MARCHF4: variants seen among roughly 807,000 people sequenced by gnomAD.
MARCHF4 encodes membrane associated ring-CH-type finger 4, also known as E3 ubiquitin-protein ligase MARCHF4.
Under a neutral mutation model 43.9 loss-of-function variants are expected in MARCHF4, and 14 were observed. That is an observed-to-expected ratio of 0.32 (90% CI 0.21 to 0.50). The LOEUF (loss-of-function observed/expected upper bound fraction) is 0.50. Ranked by LOEUF, MARCHF4 falls within the 20% of genes least tolerant of loss-of-function variation. The pLI is 0.98. For missense variants in MARCHF4, 468 were observed against 536.7 expected (o/e 0.87, Z 1.27); for synonymous variants, 226 against 213.3 (o/e 1.06, Z -0.52).
intron 3 of MARCHF4, among the ~76,000 whole-genome samples, chr2:216,267,516 G>C (rs1013749847): frequency 6.6e-6 from 1 of 152,164 alleles, no homozygotes; most frequent in Non-Finnish European, 1.5e-5. Flanking sequence ...CTGTGTGGAA[G>C]AGAATCTCCT....
chr2:216,337,779 G>A lies in MARCHF4; in HGVS notation c.516+31966C>T, dbSNP rs561434204. ...CTACTTCTAGAAATTCATACCCCAC[G>A]AACTACAGCATTGCTTGGAGACTGT... On this transcript the variant is annotated intron_variant, in intron 1 of 3. Coordinates refer to ENST00000273067, the MANE Select transcript of MARCHF4 (RefSeq NM_020814.3). 3.9e-5 allele frequency among the ~76,000 whole-genome samples: 6 copies of A among 152,042 alleles called. No individual in the cohort carries two copies. In the Middle Eastern group the frequency reaches 0.014, roughly 345 times the overall value.
At position 216,370,431 on chromosome 2, in the gene MARCHF4, A is replaced by G; in HGVS notation, c.-171T>C. On this transcript the variant is annotated 5_prime_UTR_variant, in exon 1 of 4. Coordinates refer to ENST00000273067, the MANE Select transcript of MARCHF4 (RefSeq NM_020814.3). ...CAAATAAATTGCTCCCAGGACTGAG[A>G]AGTGTGAGTCACTGGTTCTGAACTC... 1.8e-6 allele frequency: 1 copy of G among 544,972 alleles called. No individual in the cohort carries two copies. The highest frequency in any genetic ancestry group is 3.2e-6 in the Non-Finnish European group (1 of 315,648). The allele number at this position is 544,972 out of a possible 1,614,324, so 33.8% of individuals were successfully genotyped here.
intron 3 of MARCHF4, among the ~76,000 whole-genome samples, chr2:216,276,616 C>T (rs1409671537): frequency 1.3e-5 from 2 of 152,194 alleles, no homozygotes; most frequent in Non-Finnish European, 2.9e-5. Flanking sequence ...CAAACGTCAT[C>T]CCAGCCAAAT....
intron 1 of MARCHF4, among the ~76,000 whole-genome samples, chr2:216,362,972 C>T (rs374647986): frequency 1.3e-5 from 2 of 152,114 alleles, no homozygotes; most frequent in East Asian, 1.9e-4. Context: ...CAAGCAGCAG[C>T]TCGCTCATTC....
intron 1 of MARCHF4, among the ~76,000 whole-genome samples, chr2:216,354,939 C>CTTTG (rs1387745673): frequency 1.4e-5 from 2 of 137,996 alleles, no homozygotes; most frequent in Non-Finnish European, 3.1e-5. Flanking sequence ...TTCTTTCTTT[C>CTTTG]TTTCTTTCTT....
chr2:216,306,806 G>A (rs555317509), intron 1 of MARCHF4, among the ~76,000 whole-genome samples: 2 of 152,154 alleles, frequency 1.3e-5, no homozygotes, highest in Admixed American at 1.3e-4. Flanking sequence ...ATACACCTGG[G>A]AATTAAAAAC....
chr2:216,305,036 A>G (rs1206382101), intron 1 of MARCHF4, among the ~76,000 whole-genome samples: 1 of 152,126 alleles, frequency 6.6e-6, no homozygotes, highest in African/African-American at 2.4e-5. Flanking sequence ...ATTCCTAATC[A>G]TTCACTAGCC....
intron 1 of MARCHF4, among the ~76,000 whole-genome samples, chr2:216,341,405 G>A (rs75838993): frequency 0.018 from 2,811 of 152,258 alleles, 77 homozygotes; most frequent in African/African-American, 0.063. Context: ...CAAGGGAGCC[G>A]CCCAGACCCC....
intron 1 of MARCHF4, among the ~76,000 whole-genome samples, chr2:216,287,677 T>C (rs972017458): frequency 1.5e-4 from 22 of 147,726 alleles, no homozygotes; most frequent in Non-Finnish European, 2.4e-4. Flanking sequence ...TTAGGAGATA[T>C]ACCTAATGCT....
At chr2:216,323,547 G>C (rs1022745972) in intron 1 of MARCHF4, among the ~76,000 whole-genome samples, 1 of 151,986 alleles carries the variant, frequency 6.6e-6, no homozygotes, top group Non-Finnish European at 1.5e-5. Context: ...TTCCAAAATT[G>C]ACCACATACT....
intron 1 of MARCHF4, among the ~76,000 whole-genome samples, chr2:216,295,178 A>G (rs183003316): frequency 6.6e-6 from 1 of 152,320 alleles, no homozygotes; most frequent in Non-Finnish European, 1.5e-5. Flanking sequence ...TCTCAGGGGT[A>G]AAGTAGGATC....
At chr2:216,329,062 C>CAAAT (rs1216054559) in intron 1 of MARCHF4, among the ~76,000 whole-genome samples, 5 of 151,780 alleles carry the variant, frequency 3.3e-5, no homozygotes, top group Non-Finnish European at 7.4e-5. Context: ...CAAAGATAAA[C>CAAAT]AAATAAATAA....
intron 1 of MARCHF4, among the ~76,000 whole-genome samples, chr2:216,334,176 G>A (rs910827673): frequency 2.0e-5 from 3 of 152,102 alleles, no homozygotes; most frequent in Non-Finnish European, 4.4e-5. Context: ...CCTTAAAAGT[G>A]GAAGAAGGCA....
chr2:216,354,983 C>CTTTCTTTCT (rs1559106750), intron 1 of MARCHF4, among the ~76,000 whole-genome samples: 1 of 96,856 alleles, frequency 1.0e-5, no homozygotes, highest in East Asian at 2.6e-4. Flanking sequence ...TTCTTTCTTT[C>CTTTCTTTCT]TTTTTTGAGA....
chr2:216,284,591 A>G (rs1691189425), intron 1 of MARCHF4, among the ~76,000 whole-genome samples: 1 of 152,138 alleles, frequency 6.6e-6, no homozygotes, highest in Non-Finnish European at 1.5e-5. Flanking sequence ...TCGGCCTCCC[A>G]AGTAGCTGAA....
intron 1 of MARCHF4, among the ~76,000 whole-genome samples, chr2:216,368,496 A>G (rs149142293): frequency 0.017 from 2,568 of 152,350 alleles, 46 homozygotes; most frequent in Non-Finnish European, 0.022. Context: ...TCCAAGCTGT[A>G]GCTCCAGGGA....
intron 1 of MARCHF4, among the ~76,000 whole-genome samples, chr2:216,364,665 C>T (rs951906078): frequency 2.6e-5 from 4 of 152,240 alleles, no homozygotes; most frequent in Non-Finnish European, 2.9e-5. Context: ...TGGGGCAAGG[C>T]ACCACTGTTT....
intron 1 of MARCHF4, 86 bp downstream of exon 1, chr2:216,369,659 A>G: frequency 9.0e-7 from 1 of 1,111,738 alleles, no homozygotes; most frequent in East Asian, 2.4e-5. Context: ...AGACAATATA[A>G]CCGTTCCCCA....
intron 3 of MARCHF4, among the ~76,000 whole-genome samples, chr2:216,270,713 G>T (rs977814239): frequency 5.3e-5 from 8 of 151,824 alleles, no homozygotes; most frequent in African/African-American, 1.7e-4. Context: ...CCCTTTTGTT[G>T]TCCTTTGTTC....
Sources: gnomAD v4.1 joint callset for allele counts (sites outside exome capture counted in the v4.1 genomes callset) on GRCh38, gnomAD v4.1.1 for gene constraint, MANE v1.5 for transcripts, NCBI Gene and HGNC (gene_info 2026-07-23, HGNC 2026-07-21) for gene names.